The following ENKUR variants were observed in gnomAD, a reference collection of about 807,000 sequenced individuals.
The protein encoded by ENKUR is enkurin, TRPC channel interacting protein.
A neutral mutation model predicts 27.6 loss-of-function variants in ENKUR; 19 were observed. That is an observed-to-expected ratio of 0.69 (90% CI 0.48 to 1.01). The LOEUF (loss-of-function observed/expected upper bound fraction) is 1.01, where lower values mean the gene tolerates loss of function less well. Ranked by LOEUF, ENKUR falls within the 50% of genes least tolerant of loss-of-function variation. The pLI is 0.00. For missense variants in ENKUR, 312 were observed against 310.5 expected, an observed-to-expected ratio of 1.00 and a Z score of -0.04; for synonymous variants, 117 against 96.9, an observed-to-expected ratio of 1.21 and a Z score of -1.22.
Position 25,022,850 on chromosome 10 carries a change from G to T in ENKUR, c.38-26981C>A, listed in dbSNP as rs577045539. Among the ~76,000 whole-genome samples, 32 of 152,246 alleles carry T rather than the reference G, an allele frequency of 2.1e-4. No individual in the cohort carries two copies. The South Asian group carries it at 6.4e-3, about 31-fold the overall frequency. Reference sequence around the variant, plus strand: ...TCAATATGAAAAGAAATAGTAATTTGATTTAGTGTATATATACTTTTAAAA... The same window carrying T: ...TCAATATGAAAAGAAATAGTAATTTTATTTAGTGTATATATACTTTTAAAA... On this transcript the variant is annotated intron_variant, in intron 2 of 5. Transcript: ENST00000615958.
chr10:25,024,495 G>A, intron 2 of ENKUR: 1 of 1,614,194 alleles, frequency 6.2e-7, no homozygotes, highest in Non-Finnish European at 8.5e-7. Flanking sequence ...TTGGCAGTCA[G>A]AGAGAAAATG....
intron 2 of ENKUR, among the ~76,000 whole-genome samples, chr10:25,051,773 C>T (rs1378566568): frequency 1.3e-5 from 2 of 152,100 alleles, no homozygotes; most frequent in Admixed American, 6.6e-5. Flanking sequence ...TCTGAAGGTT[C>T]GAGAGAGAAG....
intron 3 of ENKUR, among the ~76,000 whole-genome samples, chr10:24,992,059 G>T (rs535885017): frequency 6.6e-6 from 1 of 152,352 alleles, no homozygotes; most frequent in African/African-American, 2.4e-5. Flanking sequence ...TGACAGTGAA[G>T]CCATCAGCTG....
chr10:25,034,723 A>AGTAAT (rs755138828), intron 2 of ENKUR, among the ~76,000 whole-genome samples: 50 of 152,196 alleles, frequency 3.3e-4, no homozygotes, highest in Non-Finnish European at 6.3e-4. Context: ...TCTCTATTAA[A>AGTAAT]GTAATGTAAT....
At chr10:25,038,250 A>G (rs1306333825) in intron 2 of ENKUR, among the ~76,000 whole-genome samples, 1 of 152,228 alleles carries the variant, frequency 6.6e-6, no homozygotes, top group African/African-American at 2.4e-5. Flanking sequence ...AAAAGTGACC[A>G]AAGTCTGATA....
chr10:25,000,839 C>T (rs1445463881), intron 1 of ENKUR, among the ~76,000 whole-genome samples: 1 of 151,986 alleles, frequency 6.6e-6, no homozygotes, highest in Non-Finnish European at 1.5e-5. Context: ...TCCCCTTGCT[C>T]ATTCTATCTT....
chr10:25,048,639 A>G (rs1289857997), intron 2 of ENKUR, among the ~76,000 whole-genome samples: 1 of 152,026 alleles, frequency 6.6e-6, no homozygotes, highest in African/African-American at 2.4e-5. Flanking sequence ...CAACAGCCAA[A>G]GCAAATGAGA....
chr10:24,995,007 T>C (rs1336135184), intron 3 of ENKUR, among the ~76,000 whole-genome samples: 1 of 152,106 alleles, frequency 6.6e-6, no homozygotes, highest in Non-Finnish European at 1.5e-5. Flanking sequence ...GGAAACAGCA[T>C]GAGAATATGT....
At position 24,998,384 on chromosome 10, in the gene ENKUR, T is replaced by C. The variant is rs571244529; in HGVS notation, c.223+1017A>G. Among the ~76,000 whole-genome samples, 350 of 136,202 alleles carry C rather than the reference T, an allele frequency of 2.6e-3. 3 individuals are homozygous for C. Among genetic ancestry groups the C allele is most frequent in the African/African-American group, 9.8e-3 (326 of 33,294 alleles). 89.4% of individuals were successfully genotyped at this position (136,202 alleles called of 152,430 possible). A position where few individuals can be genotyped will look rare whatever the true frequency, so the allele number is the denominator to read the frequency against. ...CTCTCTCTCTCTCTCTCTCTCTCTT[T>C]CTTTTTTTGAGATGGGGTCTCACTT... is the stretch of plus-strand genomic sequence containing the variant. On this transcript the variant is annotated intron_variant, in intron 2 of 5. Coordinates refer to ENST00000331161, the MANE Select transcript of ENKUR (RefSeq NM_145010.4).
chr10:25,023,798 A>G (rs764417484), intron 2 of ENKUR: 45 of 1,614,210 alleles, frequency 2.8e-5, no homozygotes, highest in Non-Finnish European at 3.7e-5. Context: ...AGAAGACAGT[A>G]TTATAAGAAG....
intron 1 of ENKUR, among the ~76,000 whole-genome samples, chr10:25,009,772 T>G (rs1850398108): frequency 6.6e-6 from 1 of 152,026 alleles, no homozygotes; most frequent in South Asian, 2.1e-4. Flanking sequence ...TCACATAAGA[T>G]CTGATGGTTT....
intron 3 of ENKUR, among the ~76,000 whole-genome samples, chr10:24,992,883 C>T (rs1849956145): frequency 6.6e-6 from 1 of 152,152 alleles, no homozygotes; most frequent in African/African-American, 2.4e-5. Flanking sequence ...CAGGCCAATC[C>T]ACTTCAGGAA....
chr10:24,988,306 TTA>T (rs1163793782), intron 4 of ENKUR, among the ~76,000 whole-genome samples: 2 of 145,082 alleles, frequency 1.4e-5, no homozygotes, highest in Non-Finnish European at 3.0e-5. Context: ...GTATATATAT[TTA>T]TATGTGTGTA....
In ENKUR at chr10:24,984,211, G is replaced by T; in HGVS notation, c.*159C>A. ...ACGAATACTGAAAATATTTCTCACT[G>T]GGAATAACTGCAAATGTCATGGGCC... On this transcript the variant is annotated 3_prime_UTR_variant, in exon 6 of 6. Coordinates refer to ENST00000331161, the MANE Select transcript of ENKUR (RefSeq NM_145010.4). The T allele has an allele frequency of 1.4e-6, 1 of 717,078 alleles. No individual in the cohort carries two copies. Among genetic ancestry groups the T allele is most frequent in the Non-Finnish European group, 2.2e-6 (1 of 456,502 alleles). 44.4% of individuals were successfully genotyped at this position (717,078 alleles called of 1,614,324 possible).
At chr10:25,037,253 G>A (rs1851018672) in intron 2 of ENKUR, among the ~76,000 whole-genome samples, 1 of 152,144 alleles carries the variant, frequency 6.6e-6, no homozygotes, top group Non-Finnish European at 1.5e-5. Flanking sequence ...CAACTTAGTA[G>A]TGATGGAGAA....
At chr10:25,061,213 G>A (rs1201402422) in exon 2 of ENKUR, 3 of 1,466,976 alleles carry the variant, frequency 2.0e-6, no homozygotes, top group Admixed American at 2.0e-5. Context: ...CAGGCCCTGG[G>A]CTTTGAAATC....
At chr10:25,033,906 C>T (rs778161343) in intron 2 of ENKUR, among the ~76,000 whole-genome samples, 2 of 151,576 alleles carry the variant, frequency 1.3e-5, no homozygotes, top group Admixed American at 1.3e-4. Context: ...TGGATGTGGA[C>T]GTACATCTAT....
In ENKUR at chr10:25,024,848, ATT is replaced by A. The variant is rs1202126563; in HGVS notation, c.38-28981_38-28980del. ...TCTAATCAGAACCATGTTTTGACTG[ATT>A]TTATAAAAACAGGACATTATGATCT... On this transcript the variant is annotated intron_variant, in intron 2 of 5. Coordinates refer to the ENKUR transcript ENST00000615958. 3 of 1,614,014 alleles carry A rather than the reference ATT, an allele frequency of 1.9e-6. No individual in the cohort carries two copies. In the South Asian group the frequency reaches 3.3e-5, roughly 18 times the overall value.
upstream of ENKUR, among the ~76,000 whole-genome samples, chr10:25,018,798 A>G (rs925993725): frequency 1.3e-5 from 2 of 152,020 alleles, no homozygotes; most frequent in Admixed American, 1.3e-4. Flanking sequence ...TCAAAGTTAT[A>G]GAATTGTGGA....
Sources: gnomAD v4.1 joint callset for allele counts (sites outside exome capture counted in the v4.1 genomes callset) on GRCh38, gnomAD v4.1.1 for gene constraint, MANE v1.5 for transcripts, NCBI Gene and HGNC (gene_info 2026-07-23, HGNC 2026-07-21) for gene names.